AFAP1L1: variants seen among roughly 807,000 people sequenced by gnomAD.
The protein encoded by AFAP1L1 is actin filament associated protein 1 like 1, also known as actin filament-associated protein 1-like 1.
Under a neutral mutation model 99.8 loss-of-function variants are expected in AFAP1L1, and 77 were observed. The observed-to-expected ratio is 0.77, with a 90% confidence interval of 0.64 to 0.93. The LOEUF (loss-of-function observed/expected upper bound fraction) is 0.93, where lower values mean the gene tolerates loss of function less well. AFAP1L1 is among the 40% of genes least tolerant of loss of function. The pLI is 0.00. For missense variants in AFAP1L1, 893 were observed against 996.8 expected (o/e 0.90, Z 1.40); for synonymous variants, 373 against 395.3 (o/e 0.94, Z 0.67).
chr5:149,299,372 A>C, intron 1 of AFAP1L1, 137 bp from the exon 2 acceptor site: 1 of 1,162,708 alleles, frequency 8.6e-7, no homozygotes, highest in Non-Finnish European at 1.2e-6. Flanking sequence ...GACAGCTGAG[A>C]GCCCCCAGGT....
chr5:149,295,914 C>A (rs1277165834), intron 1 of AFAP1L1, among the ~76,000 whole-genome samples: 1 of 152,190 alleles, frequency 6.6e-6, no homozygotes, highest in Non-Finnish European at 1.5e-5. Context: ...GAAGGGGTAA[C>A]TTTGAAGGCT....
intron 10 of AFAP1L1, 41 bp downstream of exon 10, chr5:149,315,955 T>C (rs1444569545): frequency 6.2e-7 from 1 of 1,611,130 alleles, no homozygotes; most frequent in South Asian, 1.1e-5. Flanking sequence ...ATGCTGGAAC[T>C]GGGCCGGGCC....
intron 5 of AFAP1L1, among the ~76,000 whole-genome samples, chr5:149,304,618 C>G (rs1463216871): frequency 5.9e-5 from 9 of 152,184 alleles, no homozygotes; most frequent in Non-Finnish European, 8.8e-5. Flanking sequence ...AGGGAGAGCA[C>G]GCCAAGCCCA....
intron 12 of AFAP1L1, among the ~76,000 whole-genome samples, chr5:149,318,914 G>T (rs558602173): frequency 3.0e-4 from 46 of 152,246 alleles, no homozygotes; most frequent in African/African-American, 1.1e-3. Context: ...AAGACCCCCT[G>T]CCTCTCTCAG....
chr5:149,285,138 A>T (rs1427244909), intron 1 of AFAP1L1, among the ~76,000 whole-genome samples: 1 of 152,122 alleles, frequency 6.6e-6, no homozygotes, highest in Non-Finnish European at 1.5e-5. Context: ...GGGCAGGTTC[A>T]TGGGGGCCTG....
intron 1 of AFAP1L1, among the ~76,000 whole-genome samples, chr5:149,273,593 A>C (rs941907704): frequency 1.3e-5 from 2 of 152,062 alleles, no homozygotes; most frequent in African/African-American, 2.4e-5. Context: ...TTCTTTAGCA[A>C]CTGAGGCCTA....
In AFAP1L1 at chr5:149,317,825, G is replaced by C; in HGVS notation, c.1364G>C (p.Arg455Pro). ...LYFHKDHMDLRTHVNAIALQG... is the reference protein window; with the variant it reads ...LYFHKDHMDLPTHVNAIALQG... The stretch of plus-strand genomic sequence containing the variant: ...TTCCACAAGGATCACATGGACCTGC[G>C]AACCCATGTGAACGCCATCGCCCTG... The change falls in exon 12 of 19, where the codon CGA (arginine) becomes CCA (proline). Residue 455 changes from arginine to proline, a missense_variant. Physicochemically the swap from Arg to Pro is moderately radical, Grantham distance 103. Coordinates refer to ENST00000296721, the MANE Select transcript of AFAP1L1 (RefSeq NM_152406.4). The C allele has an allele frequency of 6.2e-7, 1 of 1,612,304 alleles. No homozygotes were observed. The highest frequency in any genetic ancestry group is 2.2e-5 in the East Asian group (1 of 44,808).
chr5:149,299,685 A>G (rs1756129418), intron 2 of AFAP1L1, 48 bp downstream of exon 2: 1 of 1,611,620 alleles, frequency 6.2e-7, no homozygotes. Context: ...ATGTAGGACA[A>G]CAAAACCTCC....
At chr5:149,302,958 C>T (rs1756279823) in intron 5 of AFAP1L1, among the ~76,000 whole-genome samples, 1 of 152,176 alleles carries the variant, frequency 6.6e-6, no homozygotes, top group Non-Finnish European at 1.5e-5. Context: ...AGAATGACCT[C>T]CTATAGGTGG....
At chr5:149,323,894 G>A (rs983127483) in intron 15 of AFAP1L1, among the ~76,000 whole-genome samples, 18 of 152,214 alleles carry the variant, frequency 1.2e-4, no homozygotes, top group Non-Finnish European at 4.4e-5. Flanking sequence ...AGAAATCACC[G>A]AATGTCAACG....
In AFAP1L1 at chr5:149,335,696, C is replaced by T. The variant is rs1402469927; in HGVS notation, c.2257C>T (p.Gln753Ter). Reference sequence around the variant, plus strand: ...GAGCCCATCCATCGTAGCCTCCAACCAAGGAAGGGTGCTACAGAAAGCCAA... The same window carrying T: ...GAGCCCATCCATCGTAGCCTCCAACTAAGGAAGGGTGCTACAGAAAGCCAA... ...KRSPSIVASNQGRVLQKAKEW... is the reference protein window; with the variant it reads ...KRSPSIVASN Residue 753 changes from glutamine to a stop codon, truncating the protein, a stop_gained, in exon 18 of 19, where the codon CAA becomes TAA. Transcript: ENST00000296721. LOFTEE classifies it high-confidence loss of function. 6.2e-7 allele frequency: 1 copy of T among 1,614,020 alleles called. No homozygotes were observed. The highest frequency in any genetic ancestry group is 8.5e-7 in the Non-Finnish European group (1 of 1,180,022).
chr5:149,310,291 G>A (rs1486136486), intron 8 of AFAP1L1, among the ~76,000 whole-genome samples, 156 bp downstream of exon 8: 1 of 152,186 alleles, frequency 6.6e-6, no homozygotes, highest in African/African-American at 2.4e-5. Flanking sequence ...TATGGAAATG[G>A]GCCTCGGATA....
At chr5:149,319,433 A>T (rs982205340) in intron 12 of AFAP1L1, 149 bp from the exon 13 acceptor site, 2 of 864,604 alleles carry the variant, frequency 2.3e-6, no homozygotes, top group Non-Finnish European at 3.4e-6. Context: ...GGATTTCTGG[A>T]TGTGTGCTAT....
chr5:149,278,936 A>T (rs1755427242), intron 1 of AFAP1L1, among the ~76,000 whole-genome samples: 1 of 152,120 alleles, frequency 6.6e-6, no homozygotes, highest in Non-Finnish European at 1.5e-5. Context: ...TCAGATGTCC[A>T]TCACCAGCCA....
intron 1 of AFAP1L1, 105 bp downstream of exon 1, chr5:149,272,089 C>CGGGGGGGG: frequency 1.3e-5 from 5 of 376,438 alleles, no homozygotes; most frequent in Non-Finnish European, 1.9e-5. Context: ...GGCGGTGGGG[C>CGGGGGGGG]GGGGGCTGAG....
intron 5 of AFAP1L1, among the ~76,000 whole-genome samples, chr5:149,305,539 A>G (rs983805695): frequency 2.0e-5 from 3 of 152,170 alleles, no homozygotes; most frequent in African/African-American, 7.2e-5. Context: ...CTGGAGATAC[A>G]GCCCAGGGGT....
At chr5:149,295,649 A>G (rs1755992906) in intron 1 of AFAP1L1, among the ~76,000 whole-genome samples, 1 of 150,682 alleles carries the variant, frequency 6.6e-6, no homozygotes, top group South Asian at 2.1e-4. Context: ...GAGGGAAGGA[A>G]GGAAGGGAGG....
intron 1 of AFAP1L1, among the ~76,000 whole-genome samples, chr5:149,277,832 C>G (rs1755385926): frequency 6.6e-6 from 1 of 152,204 alleles, no homozygotes. Flanking sequence ...AATTTAACCA[C>G]ACTCTGCAAT....
intron 1 of AFAP1L1, among the ~76,000 whole-genome samples, chr5:149,272,830 A>G (rs989772416): frequency 2.6e-5 from 4 of 151,894 alleles, no homozygotes; most frequent in African/African-American, 9.7e-5. Context: ...AGCCTCCCGA[A>G]TAGCTGGGAT....
Sources: gnomAD v4.1 joint callset for allele counts (sites outside exome capture counted in the v4.1 genomes callset) on GRCh38, gnomAD v4.1.1 for gene constraint, MANE v1.5 for transcripts, NCBI Gene and HGNC (gene_info 2026-07-23, HGNC 2026-07-21) for gene names.